The following AGAP1 variants were observed in gnomAD, a reference collection of about 807,000 sequenced individuals.
AGAP1 encodes the protein ArfGAP with GTPase domain, ankyrin repeat and PH domain 1, also known as arf-GAP with GTPase, ANK repeat and PH domain-containing protein 1.
Under a neutral mutation model 105.3 loss-of-function variants are expected in AGAP1, and 29 were observed. That is an observed-to-expected ratio of 0.28 (90% CI 0.21 to 0.38). The LOEUF (loss-of-function observed/expected upper bound fraction) is 0.38, where lower values mean the gene tolerates loss of function less well. Among genes scored for constraint, AGAP1 ranks in the 10% least tolerant of loss-of-function variants. The pLI is 1.00. For synonymous variants in AGAP1, 509 were observed against 485.9 expected (o/e 1.05, Z -0.63); for missense variants, 998 against 1,165.1 (o/e 0.86, Z 2.09).
rs534241439 is a variant in AGAP1 at position 236,045,914 on chromosome 2, C to T, written c.1892-3145C>T. The T allele has an allele frequency of 2.5e-5, 12 of 470,822 alleles. No individual in the cohort carries two copies. In the East Asian group the frequency reaches 7.0e-4, roughly 27 times the overall value. The allele number at this position is 470,822 out of a possible 1,614,324, so 29.2% of individuals were successfully genotyped here. On this transcript the variant is annotated intron_variant, in intron 15 of 17. Coordinates refer to ENST00000304032, the MANE Select transcript of AGAP1 (RefSeq NM_001037131.3). This position sits in a 1 kb window ranked among gnomAD's most constrained non-coding sequence, Gnocchi z 6.9. ...CATGGGGCCCTGGAACACTGTGCCC[C>T]CGCCCCCTGCAACATTTTGGGTTTC...
rs2054047957 is a variant in AGAP1 at position 235,958,566 on chromosome 2, G to A, written c.1484-9896G>A. ...TCACCAAGGCGAGCTCCCTGCAATG[G>A]TTCATCAAAAATTGCCCAGCTAATG... On this transcript the variant is annotated intron_variant, in intron 12 of 17. Transcript: ENST00000304032. The surrounding 1 kb of genome is among the most constrained non-coding windows in gnomAD (Gnocchi z 4.1). Among the ~76,000 whole-genome samples the A allele has an allele frequency of 6.6e-6, 1 of 152,160 alleles. No homozygotes were observed. The highest frequency in any genetic ancestry group is 1.5e-5 in the Non-Finnish European group (1 of 68,030).
At position 235,645,610 on chromosome 2, in the gene AGAP1, C is replaced by T. The variant is rs78331063; in HGVS notation, c.164-63569C>T. Among the ~76,000 whole-genome samples, 833 of 152,074 alleles carry T rather than the reference C, an allele frequency of 5.5e-3. 9 individuals carry two copies. The highest frequency in any genetic ancestry group is 0.019 in the African/African-American group (802 of 41,488). On this transcript the variant is annotated intron_variant, in intron 1 of 17. Transcript: ENST00000304032. ...ATGGGTCATTGCAGGGGTTTACGCC[C>T]CAGGCCTGGCAGGGGCACACAGCAT...
chr2:235,780,635 A>G (rs1956205678), intron 6 of AGAP1, among the ~76,000 whole-genome samples: 1 of 152,220 alleles, frequency 6.6e-6, no homozygotes, highest in Non-Finnish European at 1.5e-5. Context: ...TAAGAAATTT[A>G]TAGTCCTTGG....
chr2:235,696,067 A>G (rs1368089672), intron 1 of AGAP1, among the ~76,000 whole-genome samples: 2 of 152,144 alleles, frequency 1.3e-5, no homozygotes. Flanking sequence ...TTTTCTTGAG[A>G]CGGAGTTTCA....
intron 1 of AGAP1, among the ~76,000 whole-genome samples, chr2:235,708,498 G>C (rs1409260239): frequency 6.6e-6 from 1 of 152,108 alleles, no homozygotes; most frequent in Non-Finnish European, 1.5e-5. Flanking sequence ...CAGAGGGCTG[G>C]GCTCTGTAGA....
At chr2:235,795,012 C>T (rs1486933779) in intron 6 of AGAP1, among the ~76,000 whole-genome samples, 1 of 152,184 alleles carries the variant, frequency 6.6e-6, no homozygotes, top group African/African-American at 2.4e-5. Flanking sequence ...AACCTATTAA[C>T]ATTTAAATGT....
Position 236,105,543 on chromosome 2 carries a change from CT to C in AGAP1, c.2115-14648del, listed in dbSNP as rs1423512822. Among the ~76,000 whole-genome samples, 2 of 144,996 alleles carry C rather than the reference CT, an allele frequency of 1.4e-5. No individual in the cohort carries two copies. Among genetic ancestry groups the C allele is most frequent in the African/African-American group, 5.1e-5 (2 of 38,924 alleles). On this transcript the variant is annotated intron_variant, in intron 16 of 17. Coordinates refer to ENST00000304032, the MANE Select transcript of AGAP1 (RefSeq NM_001037131.3). The surrounding 1 kb of genome is among the most constrained non-coding windows in gnomAD (Gnocchi z 4.2). ...TGGAGGAGAGAGGAGAGGGGCATCTCTCGTGTCTTTTTTTTTTTTTTTTTTT... is the reference window on the plus strand; with the variant it reads ...TGGAGGAGAGAGGAGAGGGGCATCTCCGTGTCTTTTTTTTTTTTTTTTTTT...
chr2:235,608,742 G>A lies in AGAP1; in HGVS notation c.164-100437G>A, dbSNP rs1490036166. ...GTTCTTCTCCTTCCTTTTTTAGTAGGGGAGAGAGGAGCAATTTTCCATGGA... is the reference window on the plus strand; with the variant it reads ...GTTCTTCTCCTTCCTTTTTTAGTAGAGGAGAGAGGAGCAATTTTCCATGGA... On this transcript the variant is annotated intron_variant, in intron 1 of 17. Transcript: ENST00000304032. This position sits in a 1 kb window ranked among gnomAD's most constrained non-coding sequence, Gnocchi z 5.4. Among the ~76,000 whole-genome samples, 1 of 152,176 alleles carries A rather than the reference G, an allele frequency of 6.6e-6. No individual in the cohort carries two copies. Among genetic ancestry groups the A allele is most frequent in the Non-Finnish European group, 1.5e-5 (1 of 68,032 alleles).
At chr2:235,896,834 C>G (rs2050828762) in intron 10 of AGAP1, among the ~76,000 whole-genome samples, 1 of 152,240 alleles carries the variant, frequency 6.6e-6, no homozygotes, top group South Asian at 2.1e-4. Flanking sequence ...CTACTAAAAA[C>G]TCACTGGTGT....
rs1223494831 is a variant in AGAP1 at position 235,556,764 on chromosome 2, TG to T, written c.163+61916del. On this transcript the variant is annotated intron_variant, in intron 1 of 17. Coordinates refer to ENST00000304032, the MANE Select transcript of AGAP1 (RefSeq NM_001037131.3). The surrounding 1 kb of genome is among the most constrained non-coding windows in gnomAD (Gnocchi z 5.3). ...TTAAACTTTTCAGACTGTAAGATCGTGAATCTGAAAGTCGTTGCTTATTGTA... is the reference window on the plus strand; with the variant it reads ...TTAAACTTTTCAGACTGTAAGATCGTAATCTGAAAGTCGTTGCTTATTGTA... Among the ~76,000 whole-genome samples the T allele has an allele frequency of 2.0e-5, 3 of 152,232 alleles. No homozygotes were observed. Among genetic ancestry groups the T allele is most frequent in the Non-Finnish European group, 4.4e-5 (3 of 68,032 alleles).
intron 1 of AGAP1, among the ~76,000 whole-genome samples, chr2:235,538,198 A>T (rs1559232853): frequency 6.6e-6 from 1 of 152,218 alleles, no homozygotes; most frequent in Non-Finnish European, 1.5e-5. Context: ...TTATGGTTGT[A>T]CAAGTTGGGT....
intron 1 of AGAP1, among the ~76,000 whole-genome samples, chr2:235,554,177 G>A (rs916877072): frequency 1.3e-5 from 2 of 152,264 alleles, no homozygotes; most frequent in African/African-American, 2.4e-5. Flanking sequence ...AATTTGGCAG[G>A]TAATTAGGAA....
intron 6 of AGAP1, among the ~76,000 whole-genome samples, chr2:235,764,710 G>A (rs1954776730): frequency 6.9e-6 from 1 of 145,238 alleles, no homozygotes. Context: ...GGGGCATCTG[G>A]GAGCGCCCGT....
rs1951745979 is a variant in AGAP1 at position 235,728,217 on chromosome 2, G to A, written c.310+10573G>A. On this transcript the variant is annotated intron_variant, in intron 3 of 17. Transcript: ENST00000304032. The surrounding 1 kb of genome is among the most constrained non-coding windows in gnomAD (Gnocchi z 4.3). ...GAATTACATCAGGAGAATCTGAGATGTAGTGAAAGTGCCCCCAAGCTCCCC... is the reference window on the plus strand; with the variant it reads ...GAATTACATCAGGAGAATCTGAGATATAGTGAAAGTGCCCCCAAGCTCCCC... Among the ~76,000 whole-genome samples, 1 of 152,066 alleles carries A rather than the reference G, an allele frequency of 6.6e-6. No individual in the cohort carries two copies. The highest frequency in any genetic ancestry group is 2.1e-4 in the South Asian group (1 of 4,820).
intron 6 of AGAP1, among the ~76,000 whole-genome samples, chr2:235,781,230 A>C (rs896679418): frequency 2.0e-5 from 3 of 152,234 alleles, no homozygotes; most frequent in African/African-American, 4.8e-5. Context: ...TTAAAAAGTA[A>C]TAAAACTAAA....
rs190248036 is a variant in AGAP1 at position 236,118,143 on chromosome 2, G to A, written c.2115-2049G>A. The stretch of plus-strand genomic sequence containing the variant: ...GGTGCAATGTAAACACGGGTAAAAG[G>A]TGTAAACAAGGCCTTTCCTCTGTAC... On this transcript the variant is annotated intron_variant, in intron 16 of 17. Transcript: ENST00000304032. Among the ~76,000 whole-genome samples, 6 of 152,284 alleles carry A rather than the reference G, an allele frequency of 3.9e-5. No homozygotes were observed. In the East Asian group the frequency reaches 1.2e-3, roughly 29 times the overall value.
In AGAP1 at chr2:236,090,599, G is replaced by A. The variant is rs1251141268; in HGVS notation, c.2115-29593G>A. ...CCTGCAGCGTGTTTCCAGTTGTTCG[G>A]ATTTTTGTGTTATTTTCATCACTTT... On this transcript the variant is annotated intron_variant, in intron 16 of 17. Coordinates refer to ENST00000304032, the MANE Select transcript of AGAP1 (RefSeq NM_001037131.3). This position sits in a 1 kb window ranked among gnomAD's most constrained non-coding sequence, Gnocchi z 4.3. Among the ~76,000 whole-genome samples, 2 of 152,176 alleles carry A rather than the reference G, an allele frequency of 1.3e-5. No homozygotes were observed. The highest frequency in any genetic ancestry group is 6.5e-5 in the Admixed American group (1 of 15,274).
chr2:235,972,256 A>G (rs2054678721), intron 13 of AGAP1, among the ~76,000 whole-genome samples: 1 of 152,220 alleles, frequency 6.6e-6, no homozygotes, highest in South Asian at 2.1e-4. Context: ...GTTGAATTTT[A>G]TGGTTTTTAA....
chr2:235,819,198 C>G (rs1364476239), intron 9 of AGAP1, among the ~76,000 whole-genome samples: 1 of 151,576 alleles, frequency 6.6e-6, no homozygotes, highest in Non-Finnish European at 1.5e-5. Context: ...TCACTGTAAC[C>G]TCTGCCTCCC....
Sources: gnomAD v4.1 joint callset for allele counts (sites outside exome capture counted in the v4.1 genomes callset) on GRCh38, gnomAD v4.1.1 for gene constraint, Gnocchi (gnomAD v3.1) non-coding constraint, MANE v1.5 for transcripts, NCBI Gene and HGNC (gene_info 2026-07-23, HGNC 2026-07-21) for gene names.